The following ERCC6L2 variants were observed in gnomAD, a reference collection of about 807,000 sequenced individuals.
ERCC6L2 encodes the protein ERCC excision repair 6 like 2, also known as DNA excision repair protein ERCC-6-like 2.
ERCC6L2 carries 77 observed loss-of-function variants against 132.0 expected under a neutral mutation model. The ratio of observed to expected loss-of-function variants is 0.58; its 90% CI spans 0.49 to 0.71. The LOEUF is 0.71. Ranked by LOEUF, ERCC6L2 falls within the 30% of genes least tolerant of loss-of-function variation. The pLI, the probability that ERCC6L2 is intolerant of heterozygous loss-of-function variation, is 0.00. For synonymous variants in ERCC6L2, 583 were observed against 632.4 expected, an observed-to-expected ratio of 0.92 and a Z score of 1.17; for missense variants, 1,542 against 1,837.6, an observed-to-expected ratio of 0.84 and a Z score of 2.94.
At chr9:96,000,644 T>TA (rs1054794688) in intron 17 of ERCC6L2, among the ~76,000 whole-genome samples, 5 of 151,822 alleles carry the variant, frequency 3.3e-5, no homozygotes, top group African/African-American at 9.7e-5. Context: ...GAACTTCTAT[T>TA]AAAAAAAAGA....
intron 11 of ERCC6L2, among the ~76,000 whole-genome samples, chr9:95,938,667 G>T (rs1438492951): frequency 6.6e-6 from 1 of 151,846 alleles, no homozygotes; most frequent in Non-Finnish European, 1.5e-5. Context: ...TAATTGCCTG[G>T]TATATCTTTT....
At chr9:95,960,198 C>T (rs1357266169) in intron 13 of ERCC6L2, among the ~76,000 whole-genome samples, 1 of 151,916 alleles carries the variant, frequency 6.6e-6, no homozygotes, top group East Asian at 1.9e-4. Flanking sequence ...TTACTTGCAC[C>T]CTCCACTTTA....
intron 3 of ERCC6L2, chr9:95,904,930 T>C (rs549349258): frequency 6.6e-6 from 1 of 152,342 alleles, no homozygotes; most frequent in South Asian, 2.1e-4. Context: ...TTTAATTTTA[T>C]TTGTGTTAAT....
intron 17 of ERCC6L2, among the ~76,000 whole-genome samples, chr9:95,990,230 TA>T (rs1833246061): frequency 6.6e-6 from 1 of 152,236 alleles, no homozygotes; most frequent in South Asian, 2.1e-4. Context: ...AAGACTATTA[TA>T]TTTGCACTCA....
At chr9:95,922,967 T>C (rs1829940650) in intron 8 of ERCC6L2, among the ~76,000 whole-genome samples, 1 of 152,208 alleles carries the variant, frequency 6.6e-6, no homozygotes, top group African/African-American at 2.4e-5. Context: ...GAATTTGATA[T>C]TGTTCTTTGA....
Position 95,880,959 on chromosome 9 carries a change from A to C in ERCC6L2, c.137A>C (p.Glu46Ala). 2 of 1,614,034 alleles carry C rather than the reference A, an allele frequency of 1.2e-6. No individual in the cohort carries two copies. The highest frequency in any genetic ancestry group is 1.1e-5 in the South Asian group (1 of 91,074). The change falls in exon 2 of 19, where the codon GAA (glutamate) becomes GCA (alanine). Residue 46 changes from glutamate to alanine, a missense_variant. Coordinates refer to ENST00000653738, the MANE Select transcript of ERCC6L2 (RefSeq NM_020207.7). ...EASIKSITVD[E>A]NGKSFAVVLY... Reference sequence around the variant, plus strand: ...AGCATAAAATCTATCACAGTGGATGAAAATGGCAAGTCATTTGCAGTCGTC... The same window carrying C: ...AGCATAAAATCTATCACAGTGGATGCAAATGGCAAGTCATTTGCAGTCGTC...
At chr9:95,965,260 G>C (rs1007904513) in intron 13 of ERCC6L2, among the ~76,000 whole-genome samples, 2 of 152,102 alleles carry the variant, frequency 1.3e-5, no homozygotes, top group African/African-American at 4.8e-5. Flanking sequence ...TTAGCTGGCA[G>C]CTGTGAGCAA....
At chr9:95,879,015 T>C (rs2132503249) in intron 1 of ERCC6L2, among the ~76,000 whole-genome samples, 1 of 152,172 alleles carries the variant, frequency 6.6e-6, no homozygotes, top group East Asian at 1.9e-4. Context: ...TTTGGGTATA[T>C]ACCCAGTAAT....
chr9:96,008,160 T>G (rs1833920349), intron 18 of ERCC6L2, among the ~76,000 whole-genome samples: 1 of 152,190 alleles, frequency 6.6e-6, no homozygotes. Flanking sequence ...TTTTTTTCCC[T>G]AAGTTTGCAT....
intron 16 of ERCC6L2, among the ~76,000 whole-genome samples, chr9:95,974,643 A>G (rs907811759): frequency 6.6e-6 from 1 of 152,068 alleles, no homozygotes; most frequent in African/African-American, 2.4e-5. Flanking sequence ...GTGTGTTTCA[A>G]GACCACAGTC....
At chr9:95,877,183 G>GTTCT (rs1827319090) in intron 1 of ERCC6L2, 1 of 152,202 alleles carries the variant, frequency 6.6e-6, no homozygotes, top group Non-Finnish European at 1.5e-5. Context: ...CCATTTCCCT[G>GTTCT]TTAAATCCAA....
At chr9:96,039,148 C>T (rs79207644) in intron 20 of ERCC6L2, among the ~76,000 whole-genome samples, 10 of 152,312 alleles carry the variant, frequency 6.6e-5, no homozygotes, top group South Asian at 2.1e-4. Flanking sequence ...ATGTGCTTGT[C>T]GGCTTAAGCT....
Position 96,030,114 on chromosome 9 carries a change from G to A in ERCC6L2, c.*1504-8762G>A, listed in dbSNP as rs1001256825. Among the ~76,000 whole-genome samples the A allele has an allele frequency of 3.9e-5, 6 of 152,314 alleles. No individual in the cohort carries two copies. In the East Asian group the frequency reaches 1.2e-3, roughly 29 times the overall value. Reference sequence around the variant, plus strand: ...TGCCCCAGTCAGCACTCTGTAGTTAGGATTGTAAAACGCACCAGTCATCGC... The same window carrying A: ...TGCCCCAGTCAGCACTCTGTAGTTAAGATTGTAAAACGCACCAGTCATCGC... On this transcript the variant is annotated intron_variant and NMD_transcript_variant, in intron 19 of 20. Transcript: ENST00000670016.
intron 12 of ERCC6L2, among the ~76,000 whole-genome samples, chr9:95,945,912 AGT>A (rs775689099): frequency 1.3e-5 from 2 of 152,180 alleles, no homozygotes; most frequent in East Asian, 3.8e-4. Flanking sequence ...GAAGGAGAAA[AGT>A]GGGGCTGGCA....
At chr9:95,922,177 ATT>A (rs1829896954) in intron 7 of ERCC6L2, 126 bp from the exon 8 acceptor site, 2 of 532,452 alleles carry the variant, frequency 3.8e-6, no homozygotes, top group African/African-American at 3.9e-5. Flanking sequence ...GTTGACCATC[ATT>A]TTCTTGGAAT....
At chr9:95,907,442 C>T (rs1829101541) in intron 4 of ERCC6L2, among the ~76,000 whole-genome samples, 171 bp downstream of exon 4, 1 of 150,070 alleles carries the variant, frequency 6.7e-6, no homozygotes, top group African/African-American at 2.5e-5. Flanking sequence ...TGAGCTCAGG[C>T]AATCCACCCA....
Position 96,004,580 on chromosome 9 carries a change from A to T in ERCC6L2, c.3553A>T (p.Ser1185Cys). The T allele has an allele frequency of 7.6e-7, 1 of 1,312,270 alleles. No homozygotes were observed. Among genetic ancestry groups the T allele is most frequent in the Non-Finnish European group, 1.0e-6 (1 of 992,246 alleles). The allele number at this position is 1,312,270 out of a possible 1,614,324, so 81.3% of individuals were successfully genotyped here. Residue 1185 changes from serine (S) to cysteine (C), a missense_variant, in exon 18 of 19, where the codon AGT becomes TGT. This residue lies in a region of ERCC6L2 where 442 missense variants were observed against 583.4 expected (regional missense o/e 0.76). Coordinates refer to ENST00000653738, the MANE Select transcript of ERCC6L2 (RefSeq NM_020207.7). ...LPHTKKGQQP[S>C]EGSISLPLYI... Reference sequence around the variant, plus strand: ...ACACACAAAGAAAGGCCAGCAACCGAGTGAAGGCAGCATTTCACTTCCTCT... The same window carrying T: ...ACACACAAAGAAAGGCCAGCAACCGTGTGAAGGCAGCATTTCACTTCCTCT...
chr9:95,882,197 A>G (rs911046080), intron 2 of ERCC6L2, among the ~76,000 whole-genome samples: 1 of 152,244 alleles, frequency 6.6e-6, no homozygotes, highest in Non-Finnish European at 1.5e-5. Context: ...CAGCACTAGT[A>G]AAACAGAAGT....
intron 11 of ERCC6L2, among the ~76,000 whole-genome samples, chr9:95,936,486 G>T (rs1447209100): frequency 2.0e-5 from 3 of 152,168 alleles, no homozygotes; most frequent in African/African-American, 7.2e-5. Context: ...ACATGTGATG[G>T]TGGAAATAAT....
Sources: allele counts gnomAD v4.1 joint callset (sites outside exome capture counted in the v4.1 genomes callset), GRCh38; gene constraint gnomAD v4.1.1; regional missense constraint gnomAD v4.1.1; transcripts MANE v1.5; gene names NCBI Gene and HGNC (gene_info 2026-07-23, HGNC 2026-07-21).